The following PLEKHM3 variants were observed in gnomAD, a reference collection of about 807,000 sequenced individuals.
PLEKHM3 encodes pleckstrin homology domain containing M3.
Under a neutral mutation model 81.8 loss-of-function variants are expected in PLEKHM3, and 45 were observed. That is an observed-to-expected ratio of 0.55 (90% CI 0.43 to 0.71). The LOEUF (loss-of-function observed/expected upper bound fraction) is 0.71, where lower values mean the gene tolerates loss of function less well. PLEKHM3 is among the 30% of genes least tolerant of loss of function. PLEKHM3 has a pLI of 0.00. For synonymous variants in PLEKHM3, 352 were observed against 356.4 expected, an observed-to-expected ratio of 0.99 and a Z score of 0.14; for missense variants, 788 against 924.3, an observed-to-expected ratio of 0.85 and a Z score of 1.91.
intron 7 of PLEKHM3, among the ~76,000 whole-genome samples, chr2:207,853,642 G>C (rs543039842): frequency 6.6e-6 from 1 of 151,940 alleles, no homozygotes; most frequent in East Asian, 2.0e-4. Flanking sequence ...GCTGAGGCAG[G>C]AGAATCACTT....
chr2:207,858,685 T>C (rs539486184), intron 7 of PLEKHM3, among the ~76,000 whole-genome samples: 45 of 152,200 alleles, frequency 3.0e-4, no homozygotes, highest in Non-Finnish European at 5.0e-4. Context: ...TTTGCCATGT[T>C]GGTCAGGCTG....
At chr2:208,004,622 G>A (rs1328756250) in intron 1 of PLEKHM3, among the ~76,000 whole-genome samples, 2 of 152,074 alleles carry the variant, frequency 1.3e-5, no homozygotes, top group Admixed American at 6.6e-5. Flanking sequence ...TCTTAAACTT[G>A]CAGACAAGTT....
chr2:207,997,366 C>G (rs6718363), intron 2 of PLEKHM3, among the ~76,000 whole-genome samples: 1 of 151,874 alleles, frequency 6.6e-6, no homozygotes, highest in Non-Finnish European at 1.5e-5. Flanking sequence ...CTTGGACTTA[C>G]TACAGGAGGA....
At chr2:207,971,128 G>GTGAGC (rs567504323) in intron 3 of PLEKHM3, among the ~76,000 whole-genome samples, 7 of 152,326 alleles carry the variant, frequency 4.6e-5, no homozygotes, top group African/African-American at 1.7e-4. Flanking sequence ...ACTTCCAAAG[G>GTGAGC]TGAGCTTTGC....
chr2:207,865,801 A>AAAAAAAAAAAAAAAAAATATATATATAT, intron 6 of PLEKHM3, among the ~76,000 whole-genome samples: 1 of 25,300 alleles, frequency 4.0e-5, no homozygotes, highest in Non-Finnish European at 7.6e-5. Flanking sequence ...AAAAAAAAAA[A>AAAAAAAAAAAAAAAAAATATATATATAT]AGATATATAT....
At chr2:207,941,725 G>T (rs1253824332) in intron 4 of PLEKHM3, among the ~76,000 whole-genome samples, 1 of 152,172 alleles carries the variant, frequency 6.6e-6, no homozygotes, top group Non-Finnish European at 1.5e-5. Flanking sequence ...CCATTAATCT[G>T]ACAAGGGATT....
chr2:208,016,670 TAC>T lies in PLEKHM3; in HGVS notation c.-319+8717_-319+8718del, dbSNP rs370576889. 5.4e-3 allele frequency among the ~76,000 whole-genome samples: 354 copies of T among 65,048 alleles called. 7 individuals are homozygous for T. The highest frequency in any genetic ancestry group is 9.0e-3 in the Non-Finnish European group (271 of 30,012). 42.7% of individuals were successfully genotyped at this position (65,048 alleles called of 152,430 possible). ...GTCTCAAAAAAAAAAAAAAAAAAAATACACACACACACACACACACACACACC... is the reference window on the plus strand; with the variant it reads ...GTCTCAAAAAAAAAAAAAAAAAAAATACACACACACACACACACACACACC... On this transcript the variant is annotated intron_variant, in intron 1 of 7. Transcript: ENST00000427836.
Position 207,828,018 on chromosome 2 carries a change from AT to A in PLEKHM3, c.*300del. ...AAAAAAAAAGTCTGAACTATAAAGC[AT>A]TGTGTATACCACGTTTTGTCTGGGA... On this transcript the variant is annotated 3_prime_UTR_variant, in exon 8 of 8. Coordinates refer to ENST00000427836, the MANE Select transcript of PLEKHM3 (RefSeq NM_001080475.3). The A allele has an allele frequency of 5.1e-6, 1 of 196,046 alleles. No homozygotes were observed. The highest frequency in any genetic ancestry group is 1.2e-4 in the East Asian group (1 of 8,674). The allele number at this position is 196,046 out of a possible 1,614,324, so 12.1% of individuals were successfully genotyped here.
At position 208,001,178 on chromosome 2, in the gene PLEKHM3, A is replaced by C; in HGVS notation, c.462T>G (p.Ile154Met). Residue 154 changes from isoleucine (I) to methionine (M), a missense_variant, in exon 2 of 8, where the codon ATT (isoleucine) becomes ATG (methionine). Physicochemically the swap from Ile to Met is conservative, Grantham distance 10. Transcript: ENST00000427836. ...KPGHARSRSD[I>M]TQVDWRVVLK... ...GGACTACCCTCCAGTCCACTTGGGTAATATCTGATCGTGATCGAGCATGCC... is the reference window on the plus strand; with the variant it reads ...GGACTACCCTCCAGTCCACTTGGGTCATATCTGATCGTGATCGAGCATGCC... The C allele has an allele frequency of 1.2e-6, 2 of 1,614,102 alleles. No individual in the cohort carries two copies. Among genetic ancestry groups the C allele is most frequent in the Non-Finnish European group, 1.7e-6 (2 of 1,180,016 alleles).
intron 6 of PLEKHM3, among the ~76,000 whole-genome samples, chr2:207,882,649 T>C (rs1416993437): frequency 6.9e-6 from 1 of 144,284 alleles, no homozygotes; most frequent in Non-Finnish European, 1.5e-5. Flanking sequence ...GTTTTCACAA[T>C]GGGAGTTGGT....
chr2:207,845,904 G>A (rs1032695473), intron 7 of PLEKHM3, among the ~76,000 whole-genome samples: 2 of 151,926 alleles, frequency 1.3e-5, no homozygotes, highest in Non-Finnish European at 2.9e-5. Flanking sequence ...AATCCCTTTG[G>A]GTAAACAGAA....
chr2:207,951,473 G>A (rs943912865), intron 3 of PLEKHM3, among the ~76,000 whole-genome samples: 4 of 152,122 alleles, frequency 2.6e-5, no homozygotes, highest in Non-Finnish European at 5.9e-5. Context: ...AAACTTTTCA[G>A]AGTGTATTCA....
At chr2:207,901,144 T>C (rs1334032497) in intron 6 of PLEKHM3, 1 of 648,510 alleles carries the variant, frequency 1.5e-6, no homozygotes, top group Non-Finnish European at 2.8e-6. Context: ...AACAGGGCTC[T>C]CTATCCACCA....
chr2:207,860,175 G>GTGTGTGTGTGTGTGTGTGTGTGTGTT lies in PLEKHM3; in HGVS notation c.2108+929_2108+930insAACACACACACACACACACACACACA, dbSNP rs2092459687. 6.7e-5 allele frequency among the ~76,000 whole-genome samples: 10 copies of GTGTGTGTGTGTGTGTGTGTGTGTGTT among 150,090 alleles called. 1 individual carries two copies. The highest frequency in any genetic ancestry group is 2.4e-4 in the African/African-American group (10 of 41,036). On this transcript the variant is annotated intron_variant, in intron 7 of 7. Coordinates refer to ENST00000427836, the MANE Select transcript of PLEKHM3 (RefSeq NM_001080475.3). ...TCTGTGTGTGTGTGTGTGTGTGTGT[G>GTGTGTGTGTGTGTGTGTGTGTGTGTT]TGTGTGTGTGTGTGTGTGTGTGTGT... is the stretch of plus-strand genomic sequence containing the variant.
chr2:208,004,874 G>C (rs1692446812), intron 1 of PLEKHM3, among the ~76,000 whole-genome samples: 1 of 152,118 alleles, frequency 6.6e-6, no homozygotes, highest in Admixed American at 6.5e-5. Context: ...GCCCAGGCTA[G>C]AGTGAAGTGG....
chr2:208,010,773 A>C (rs1267179778), intron 1 of PLEKHM3, among the ~76,000 whole-genome samples: 3 of 152,192 alleles, frequency 2.0e-5, no homozygotes, highest in African/African-American at 7.2e-5. Flanking sequence ...ACTATTTAGA[A>C]TCTTCTACTT....
chr2:207,980,084 A>G (rs1297998260), intron 2 of PLEKHM3, among the ~76,000 whole-genome samples: 2 of 152,122 alleles, frequency 1.3e-5, no homozygotes, highest in African/African-American at 2.4e-5. Flanking sequence ...TTTCCACAAT[A>G]AGACTTAAAA....
At chr2:208,009,885 C>T (rs898070919) in intron 1 of PLEKHM3, among the ~76,000 whole-genome samples, 5 of 152,112 alleles carry the variant, frequency 3.3e-5, no homozygotes, top group East Asian at 1.9e-4. Context: ...ACATACTTTC[C>T]GAAACGTTAT....
chr2:207,883,133 G>A (rs1687757349), intron 6 of PLEKHM3, among the ~76,000 whole-genome samples: 1 of 152,222 alleles, frequency 6.6e-6, no homozygotes, highest in Non-Finnish European at 1.5e-5. Flanking sequence ...GCTCAGCTGA[G>A]TGTTCTGTCT....
Sources: gnomAD v4.1 joint callset for allele counts (sites outside exome capture counted in the v4.1 genomes callset) on GRCh38, gnomAD v4.1.1 for gene constraint, MANE v1.5 for transcripts, NCBI Gene and HGNC (gene_info 2026-07-23, HGNC 2026-07-21) for gene names.